The following PIK3CB variants were observed in gnomAD, a reference collection of about 807,000 sequenced individuals.
PIK3CB encodes the protein phosphatidylinositol-4,5-bisphosphate 3-kinase catalytic subunit beta, also known as phosphatidylinositol 4,5-bisphosphate 3-kinase catalytic subunit beta isoform.
Under a neutral mutation model 136.8 loss-of-function variants are expected in PIK3CB, and 39 were observed. That is an observed-to-expected ratio of 0.29 (90% CI 0.22 to 0.37). The LOEUF (loss-of-function observed/expected upper bound fraction) is 0.37. Ranked by LOEUF, PIK3CB falls within the 10% of genes least tolerant of loss-of-function variation. PIK3CB has a pLI of 1.00. For missense variants in PIK3CB, 868 were observed against 1,275.4 expected, an observed-to-expected ratio of 0.68 and a Z score of 4.87; for synonymous variants, 428 against 436.6, an observed-to-expected ratio of 0.98 and a Z score of 0.25.
chr3:138,818,275 C>A (rs1933419595), intron 1 of PIK3CB, among the ~76,000 whole-genome samples: 2 of 152,180 alleles, frequency 1.3e-5, no homozygotes, highest in Admixed American at 1.3e-4. Context: ...TCCTGGAATT[C>A]TCTCGCTCAA....
At chr3:138,779,385 C>T (rs186459919) in intron 2 of PIK3CB, among the ~76,000 whole-genome samples, 2,716 of 104,876 alleles carry the variant, frequency 0.026, 106 homozygotes, top group African/African-American at 0.088. Context: ...CACGCCCGGC[C>T]TTCTTTTTTT....
At chr3:138,763,426 C>T (rs541832665) in intron 2 of PIK3CB, among the ~76,000 whole-genome samples, 17 of 152,248 alleles carry the variant, frequency 1.1e-4, no homozygotes, top group South Asian at 6.2e-4. Flanking sequence ...CATGAGCCAC[C>T]GTGCCCGGCC....
intron 8 of PIK3CB, 68 bp from the exon 9 acceptor site, chr3:138,714,787 G>A (rs1401422973): frequency 3.9e-6 from 5 of 1,277,750 alleles, no homozygotes; most frequent in East Asian, 2.5e-5. Context: ...ATCTCTTTTT[G>A]TTTGTTTGTT....
At chr3:138,776,023 C>G (rs1051769994) in intron 2 of PIK3CB, among the ~76,000 whole-genome samples, 1 of 152,026 alleles carries the variant, frequency 6.6e-6, no homozygotes, top group Admixed American at 6.6e-5. Context: ...CATGGTGAAA[C>G]CCAGTCTCTA....
chr3:138,689,418 C>T lies in PIK3CB; in HGVS notation c.2037-444G>A, dbSNP rs764675494. Among the ~76,000 whole-genome samples the T allele has an allele frequency of 4.5e-4, 69 of 152,312 alleles. 1 individual carries two copies. Among genetic ancestry groups the T allele is most frequent in the Non-Finnish European group, 9.6e-4 (65 of 68,014 alleles). ...TTGCGATTCTCCTGCCTCAGCCTCC[C>T]GAGTAGCTGGGATTATAGGCATGCG... is the stretch of plus-strand genomic sequence containing the variant. On this transcript the variant is annotated intron_variant, in intron 15 of 23. Transcript: ENST00000674063.
chr3:138,817,963 GA>G (rs1216528723), intron 1 of PIK3CB, among the ~76,000 whole-genome samples: 2 of 151,994 alleles, frequency 1.3e-5, no homozygotes, highest in African/African-American at 4.8e-5. Flanking sequence ...CTCTAATAAG[GA>G]AAACAAAAGC....
intron 4 of PIK3CB, among the ~76,000 whole-genome samples, chr3:138,747,695 A>G (rs2108687747): frequency 6.6e-6 from 1 of 152,324 alleles, no homozygotes; most frequent in African/African-American, 2.4e-5. Context: ...CATATCATGC[A>G]TTAATGACAC....
rs2043165122 is a variant in PIK3CB, at chr3:138,654,808, G to A, written c.*581C>T. 4.7e-6 allele frequency: 1 copy of A among 212,788 alleles called. No homozygotes were observed. Among genetic ancestry groups the A allele is most frequent in the African/African-American group, 2.3e-5 (1 of 44,252 alleles). 13.2% of individuals were successfully genotyped at this position (212,788 alleles called of 1,614,324 possible). ...AGTAGATTTTCAGCAAGTCTGGCTG[G>A]AATGATGCTATCATGGAAATAAATA... On this transcript the variant is annotated 3_prime_UTR_variant, in exon 24 of 24. Coordinates refer to ENST00000674063, the MANE Select transcript of PIK3CB (RefSeq NM_006219.3).
intron 4 of PIK3CB, among the ~76,000 whole-genome samples, chr3:138,751,325 G>GC (rs1476020335): frequency 1.3e-5 from 2 of 152,060 alleles, no homozygotes; most frequent in East Asian, 3.9e-4. Context: ...AGGCATGGTG[G>GC]CAGGTGCCTG....
chr3:138,673,367 GCAGA>G (rs1203333089), intron 19 of PIK3CB, among the ~76,000 whole-genome samples: 4 of 152,190 alleles, frequency 2.6e-5, no homozygotes, highest in Non-Finnish European at 4.4e-5. Context: ...AGATTGTACT[GCAGA>G]CAAAGGCAAA....
chr3:138,755,660 C>T (rs2045552055), intron 4 of PIK3CB, 94 bp downstream of exon 4: 2 of 617,996 alleles, frequency 3.2e-6, no homozygotes, highest in Non-Finnish European at 5.6e-6. Context: ...CCATGGACCA[C>T]ACTTTGAAAA....
intron 1 of PIK3CB, among the ~76,000 whole-genome samples, chr3:138,819,728 G>A (rs1469055014): frequency 3.3e-5 from 5 of 152,028 alleles, no homozygotes; most frequent in East Asian, 1.9e-4. Context: ...TAATCCCAAC[G>A]CTTTAGGAGG....
At chr3:138,723,372 G>A (rs929234169) in intron 8 of PIK3CB, among the ~76,000 whole-genome samples, 3 of 152,148 alleles carry the variant, frequency 2.0e-5, no homozygotes, top group Middle Eastern at 3.4e-3. Flanking sequence ...GCAACATGGC[G>A]AACTCTCCTC....
chr3:138,667,259 G>C (rs2043431939), intron 19 of PIK3CB, among the ~76,000 whole-genome samples: 1 of 151,096 alleles, frequency 6.6e-6, no homozygotes, highest in African/African-American at 2.4e-5. Context: ...TGACAGCAGG[G>C]CTGGAGGAGA....
intron 1 of PIK3CB, among the ~76,000 whole-genome samples, chr3:138,823,191 GT>G (rs1933636605): frequency 1.3e-5 from 2 of 151,722 alleles, no homozygotes; most frequent in Non-Finnish European, 2.9e-5. Flanking sequence ...GGAGCCTGAG[GT>G]GGGGGGATCG....
chr3:138,694,730 T>C, intron 14 of PIK3CB, 56 bp downstream of exon 14: 2 of 1,590,154 alleles, frequency 1.3e-6, no homozygotes, highest in Admixed American at 1.7e-5. Context: ...GACACCCTCA[T>C]CCCAAACCCA....
chr3:138,759,823 G>T (rs2045637044), intron 2 of PIK3CB, among the ~76,000 whole-genome samples: 1 of 152,036 alleles, frequency 6.6e-6, no homozygotes, highest in Non-Finnish European at 1.5e-5. Flanking sequence ...AGCTTCTTAG[G>T]CTGAGTTTTT....
At chr3:138,757,567 G>A (rs1444664795) in intron 3 of PIK3CB, among the ~76,000 whole-genome samples, 9 of 136,830 alleles carry the variant, frequency 6.6e-5, no homozygotes, top group Non-Finnish European at 1.1e-4. Flanking sequence ...AACAAAAAAA[G>A]GAAAGAAATA....
intron 8 of PIK3CB, among the ~76,000 whole-genome samples, chr3:138,715,281 G>A (rs1559836512): frequency 6.6e-6 from 1 of 152,106 alleles, no homozygotes; most frequent in Non-Finnish European, 1.5e-5. Flanking sequence ...AAAGGCCTGG[G>A]GCCAGAGTGA....
Sources: gnomAD v4.1 joint callset for allele counts (sites outside exome capture counted in the v4.1 genomes callset) on GRCh38, gnomAD v4.1.1 for gene constraint, MANE v1.5 for transcripts, NCBI Gene and HGNC (gene_info 2026-07-23, HGNC 2026-07-21) for gene names.